Variants in LRSAM1 observed in about 807,000 individuals in gnomAD.
LRSAM1 encodes E3 ubiquitin-protein ligase LRSAM1.
A neutral mutation model predicts 118.1 loss-of-function variants in LRSAM1; 96 were observed. That is an observed-to-expected ratio of 0.81 (90% CI 0.69 to 0.96). The LOEUF is 0.96. LRSAM1 is among the 40% of genes least tolerant of loss of function. The pLI, the probability that LRSAM1 is intolerant of heterozygous loss-of-function variation, is 0.00. For synonymous variants in LRSAM1, 322 were observed against 364.2 expected, an observed-to-expected ratio of 0.88 and a Z score of 1.32; for missense variants, 804 against 915.5, an observed-to-expected ratio of 0.88 and a Z score of 1.57.
intron 7 of LRSAM1, 122 bp downstream of exon 7, chr9:127,459,193 C>A: frequency 1.1e-6 from 1 of 916,076 alleles, no homozygotes; most frequent in African/African-American, 1.6e-5. Context: ...AGTGCCAGCT[C>A]CACCCTCCCC....
chr9:127,496,500 C>T (rs1836150413), intron 23 of LRSAM1, among the ~76,000 whole-genome samples: 1 of 152,258 alleles, frequency 6.6e-6, no homozygotes, highest in African/African-American at 2.4e-5. Context: ...TCCACTTATT[C>T]TTCAAAACAG....
chr9:127,462,492 G>A (rs1331591477), intron 9 of LRSAM1, 119 bp downstream of exon 9: 14 of 1,531,468 alleles, frequency 9.1e-6, no homozygotes, highest in Non-Finnish European at 1.3e-5. Context: ...AGATCCCAAG[G>A]CATGGTCCTT....
At chr9:127,499,055 CAAAAAA>C (rs112522307) in intron 24 of LRSAM1, among the ~76,000 whole-genome samples, 2 of 134,268 alleles carry the variant, frequency 1.5e-5, no homozygotes, top group Non-Finnish European at 3.1e-5. Context: ...AACTCTGTCT[CAAAAAA>C]AAAAAAGAAA....
chr9:127,468,345 G>A (rs1468138967), intron 10 of LRSAM1, among the ~76,000 whole-genome samples: 1 of 152,158 alleles, frequency 6.6e-6, no homozygotes, highest in Non-Finnish European at 1.5e-5. Context: ...GTGCAGGACA[G>A]GGGACCAGTT....
chr9:127,474,001 G>A, intron 11 of LRSAM1, 70 bp downstream of exon 11: 1 of 1,606,610 alleles, frequency 6.2e-7, no homozygotes, highest in Non-Finnish European at 8.5e-7. Flanking sequence ...TGTTGAGGGA[G>A]CTGGGAATGG....
chr9:127,484,810 CTTT>C (rs1376461812), intron 16 of LRSAM1, among the ~76,000 whole-genome samples: 3 of 135,168 alleles, frequency 2.2e-5, no homozygotes, highest in Admixed American at 7.7e-5. Flanking sequence ...TTCTTTTTTT[CTTT>C]TTTTTTTTTT....
chr9:127,499,535 A>ATATAT (rs1298414478), intron 24 of LRSAM1, among the ~76,000 whole-genome samples: 35 of 107,410 alleles, frequency 3.3e-4, no homozygotes, highest in African/African-American at 1.1e-3. Flanking sequence ...TGTCTAAAAA[A>ATATAT]AAATATATAT....
At position 127,457,251 on chromosome 9, in the gene LRSAM1, G is replaced by A. The variant is rs111841854; in HGVS notation, c.175-65G>A. 64 of 1,590,038 alleles carry A rather than the reference G, an allele frequency of 4.0e-5. 2 individuals carry two copies. The Middle Eastern group carries it at 8.3e-4, about 21-fold the overall frequency. ...GGCACGGCGCTGGGCTGGCTCCCAC[G>A]CCCTTAGCCTGCCCTGCCTGCTGCT... On this transcript the variant is annotated intron_variant, in intron 5 of 25. Coordinates refer to ENST00000300417, the MANE Select transcript of LRSAM1 (RefSeq NM_001005373.4).
chr9:127,500,374 A>AAAAAAAAAAAAAAAG (rs1306368505), intron 24 of LRSAM1, among the ~76,000 whole-genome samples: 1 of 150,636 alleles, frequency 6.6e-6, no homozygotes, highest in African/African-American at 2.4e-5. Flanking sequence ...AAAAAAAAAA[A>AAAAAAAAAAAAAAAG]AGAGACTTAG....
chr9:127,459,273 G>T (rs1226824516), intron 7 of LRSAM1, among the ~76,000 whole-genome samples: 1 of 150,176 alleles, frequency 6.7e-6, no homozygotes, highest in East Asian at 1.9e-4. Flanking sequence ...CTGGGGTGCA[G>T]TGGCGCCATC....
Position 127,451,549 on chromosome 9 carries a change from G to A in LRSAM1, c.-309G>A. The stretch of plus-strand genomic sequence containing the variant: ...CCTGAGGCTGACGGCTGGCAAGCAG[G>A]GCACCGCGGTGCGCTGAAGCTAGAG... On this transcript the variant is annotated 5_prime_UTR_variant, in exon 1 of 26. Coordinates refer to ENST00000300417, the MANE Select transcript of LRSAM1 (RefSeq NM_001005373.4). 2 of 582,900 alleles carry A rather than the reference G, an allele frequency of 3.4e-6. No individual in the cohort carries two copies. 36.1% of individuals were successfully genotyped at this position (582,900 alleles called of 1,614,324 possible). A position where few individuals can be genotyped will look rare whatever the true frequency, so the allele number is the denominator to read the frequency against.
chr9:127,464,431 C>T (rs1047445393), intron 9 of LRSAM1, among the ~76,000 whole-genome samples: 1 of 150,918 alleles, frequency 6.6e-6, no homozygotes, highest in Non-Finnish European at 1.5e-5. Flanking sequence ...CCGTGCTGTC[C>T]AGAGCGGCAG....
intron 18 of LRSAM1, among the ~76,000 whole-genome samples, chr9:127,488,263 TTTG>T (rs1835805336): frequency 6.6e-6 from 1 of 152,100 alleles, no homozygotes; most frequent in African/African-American, 2.4e-5. Flanking sequence ...GTTTAGCGTT[TTTG>T]TTTTCTTTTT....
intron 25 of LRSAM1, 63 bp from the exon 26 acceptor site, chr9:127,502,707 AAAAG>A: frequency 2.7e-6 from 4 of 1,484,212 alleles, no homozygotes; most frequent in South Asian, 1.3e-5. Flanking sequence ...AAAAAAAAAA[AAAAG>A]ACGGGCCTGG....
chr9:127,461,683 C>G (rs947793424), intron 8 of LRSAM1, among the ~76,000 whole-genome samples: 1 of 152,170 alleles, frequency 6.6e-6, no homozygotes, highest in East Asian at 1.9e-4. Flanking sequence ...AGTTTACACA[C>G]GAGGAAAACA....
Position 127,479,882 on chromosome 9 carries a change from A to G in LRSAM1, c.947A>G (p.His316Arg). 2 of 1,612,384 alleles carry G rather than the reference A, an allele frequency of 1.2e-6. No homozygotes were observed. The highest frequency in any genetic ancestry group is 1.7e-6 in the Non-Finnish European group (2 of 1,178,750). The stretch of plus-strand genomic sequence containing the variant: ...CAGGGCCTGAGTGAGCACCAGCGCC[A>G]CCTCAACGCAGAGCGGCAGCGGCTG... ...LEQGLSEHQR[H>R]LNAERQRLQE... is the part of the protein sequence containing the mutation. The change falls in exon 14 of 26, where the codon CAC becomes CGC. Residue 316 changes from histidine (H) to arginine (R), a missense_variant. Physicochemically the swap from His to Arg is conservative, Grantham distance 29. Coordinates refer to ENST00000300417, the MANE Select transcript of LRSAM1 (RefSeq NM_001005373.4).
rs56261604 is a variant in LRSAM1 at position 127,479,517 on chromosome 9, G to A, written c.903+12G>A. ...AGACGGTCAAGGAGGTTTGTGAGCCGCCTGCTAGGGTCCAGCCTGGCTGCA... is the reference window on the plus strand; with the variant it reads ...AGACGGTCAAGGAGGTTTGTGAGCCACCTGCTAGGGTCCAGCCTGGCTGCA... On this transcript the variant is annotated intron_variant, in intron 13 of 25. Transcript: ENST00000300417. 2.4e-5 allele frequency: 38 copies of A among 1,613,238 alleles called. No homozygotes were observed. The highest frequency in any genetic ancestry group is 4.5e-5 in the East Asian group (2 of 44,856).
At chr9:127,488,190 C>A (rs1022108600) in intron 18 of LRSAM1, among the ~76,000 whole-genome samples, 4 of 152,308 alleles carry the variant, frequency 2.6e-5, no homozygotes, top group South Asian at 2.1e-4. Flanking sequence ...CCTGGCAGGG[C>A]TCTTGAGTGG....
At chr9:127,467,583 A>G (rs2132030624) in intron 9 of LRSAM1, among the ~76,000 whole-genome samples, 157 bp from the exon 10 acceptor site, 1 of 152,368 alleles carries the variant, frequency 6.6e-6, no homozygotes, top group Admixed American at 6.5e-5. Context: ...GGCACTGGGA[A>G]CGCAGCTGTA....
Sources: allele counts gnomAD v4.1 joint callset (sites outside exome capture counted in the v4.1 genomes callset), GRCh38; gene constraint gnomAD v4.1.1; transcripts MANE v1.5; gene names NCBI Gene and HGNC (gene_info 2026-07-23, HGNC 2026-07-21).